Variants in CACNA2D3 observed in about 807,000 individuals in gnomAD.
CACNA2D3 encodes the protein calcium voltage-gated channel auxiliary subunit alpha2delta 3.
Under a neutral mutation model 160.6 loss-of-function variants are expected in CACNA2D3, and 60 were observed. That is an observed-to-expected ratio of 0.37 (90% CI 0.30 to 0.46). The LOEUF is 0.46. Ranked by LOEUF, CACNA2D3 falls within the 20% of genes least tolerant of loss-of-function variation. The probability of loss-of-function intolerance (pLI) is 1.00; values close to 1 mark genes in which losing one functional copy is unlikely to be tolerated. For synonymous variants in CACNA2D3, 558 were observed against 492.9 expected (o/e 1.13, Z -1.75); for missense variants, 1,205 against 1,365.0 (o/e 0.88, Z 1.85).
intron 4 of CACNA2D3, among the ~76,000 whole-genome samples, chr3:54,440,838 A>T (rs1444014816): frequency 6.6e-6 from 1 of 152,204 alleles, no homozygotes; most frequent in African/African-American, 2.4e-5. Context: ...ATGGCTGCAT[A>T]GCATTCCATG....
At chr3:54,198,654 C>T (rs1701123317) in intron 2 of CACNA2D3, among the ~76,000 whole-genome samples, 1 of 152,268 alleles carries the variant, frequency 6.6e-6, no homozygotes, top group Admixed American at 6.5e-5. Flanking sequence ...AGACACTCAG[C>T]TTGGGAGCAC....
chr3:54,743,528 A>G (rs939615230), intron 11 of CACNA2D3, among the ~76,000 whole-genome samples: 3 of 152,218 alleles, frequency 2.0e-5, no homozygotes, highest in African/African-American at 7.2e-5. Context: ...GGAGGGCTTT[A>G]AGCTAGAGAG....
intron 11 of CACNA2D3, among the ~76,000 whole-genome samples, chr3:54,672,863 T>C (rs1700184224): frequency 6.6e-6 from 1 of 152,058 alleles, no homozygotes; most frequent in South Asian, 2.1e-4. Context: ...CACGAGTAAA[T>C]CCTCAAGAGA....
intron 4 of CACNA2D3, among the ~76,000 whole-genome samples, chr3:54,404,130 A>T (rs895435840): frequency 6.6e-6 from 1 of 152,188 alleles, no homozygotes; most frequent in Non-Finnish European, 1.5e-5. Context: ...ACTTCCTAAC[A>T]TGTTTTCTGA....
At chr3:54,400,497 C>G (rs1699437135) in intron 4 of CACNA2D3, among the ~76,000 whole-genome samples, 2 of 152,126 alleles carry the variant, frequency 1.3e-5, no homozygotes, top group South Asian at 4.1e-4. Flanking sequence ...TCATCTAAGA[C>G]TCACCATTGT....
intron 11 of CACNA2D3, among the ~76,000 whole-genome samples, chr3:54,669,200 A>C (rs1035971358): frequency 6.6e-5 from 10 of 152,168 alleles, no homozygotes; most frequent in Non-Finnish European, 1.5e-4. Flanking sequence ...ATGCTCTGCT[A>C]TTTTCATCTT....
At chr3:54,931,619 C>G (rs980045587) in intron 27 of CACNA2D3, among the ~76,000 whole-genome samples, 2 of 152,144 alleles carry the variant, frequency 1.3e-5, no homozygotes, top group African/African-American at 4.8e-5. Context: ...TGCCAGGACC[C>G]CAGGTTCCCA....
At chr3:54,308,603 G>T (rs573540043) in intron 2 of CACNA2D3, among the ~76,000 whole-genome samples, 1 of 152,136 alleles carries the variant, frequency 6.6e-6, no homozygotes, top group Non-Finnish European at 1.5e-5. Flanking sequence ...GTGTGAAGCC[G>T]CTGAGATATG....
chr3:54,868,718 T>C (rs1013214946), intron 17 of CACNA2D3, among the ~76,000 whole-genome samples: 1 of 152,126 alleles, frequency 6.6e-6, no homozygotes, highest in African/African-American at 2.4e-5. Context: ...GACACCATCA[T>C]AGTCAACAAA....
At chr3:54,384,649 A>G (rs1480870742) in intron 3 of CACNA2D3, among the ~76,000 whole-genome samples, 1 of 152,022 alleles carries the variant, frequency 6.6e-6, no homozygotes, top group Non-Finnish European at 1.5e-5. Flanking sequence ...CATCCCCTCC[A>G]TCTTATGTCT....
At chr3:54,877,349 T>C (rs914258616) in intron 18 of CACNA2D3, among the ~76,000 whole-genome samples, 2 of 152,182 alleles carry the variant, frequency 1.3e-5, no homozygotes, top group African/African-American at 4.8e-5. Flanking sequence ...AGGATGACGA[T>C]GATACAGATA....
chr3:54,197,785 G>A (rs1010011019), intron 2 of CACNA2D3, among the ~76,000 whole-genome samples: 1 of 152,284 alleles, frequency 6.6e-6, no homozygotes, highest in South Asian at 2.1e-4. Context: ...TGGAACAGTC[G>A]CCTATCCTTT....
intron 9 of CACNA2D3, among the ~76,000 whole-genome samples, chr3:54,586,104 A>C (rs1157207751): frequency 4.6e-5 from 7 of 152,064 alleles, no homozygotes; most frequent in Admixed American, 3.3e-4. Context: ...CTCTACTAAA[A>C]GTACAAAAAA....
intron 24 of CACNA2D3, 99 bp downstream of exon 24, chr3:54,888,151 TGTTAAA>T: frequency 1.0e-6 from 1 of 958,694 alleles, no homozygotes. Flanking sequence ...AGGAACCTGG[TGTTAAA>T]GTTCTTTAAT....
In CACNA2D3 at chr3:54,351,388, G is replaced by A. The variant is rs142725039; in HGVS notation, c.321+30830G>A. Among the ~76,000 whole-genome samples, 6 of 152,202 alleles carry A rather than the reference G, an allele frequency of 3.9e-5. No homozygotes were observed. In the East Asian group the frequency reaches 1.2e-3, roughly 29 times the overall value. On this transcript the variant is annotated intron_variant, in intron 3 of 37. Coordinates refer to ENST00000474759, the MANE Select transcript of CACNA2D3 (RefSeq NM_018398.3). ...TTTTAATTTTACTGCATCTAAGTGT[G>A]TTGTGACTTGGGAAGTCATATAAAC...
intron 13 of CACNA2D3, among the ~76,000 whole-genome samples, chr3:54,816,349 TG>T (rs1703455031): frequency 6.6e-6 from 1 of 152,180 alleles, no homozygotes; most frequent in Non-Finnish European, 1.5e-5. Flanking sequence ...TTTGTTTTTG[TG>T]GGGGACTGTC....
chr3:55,013,105 C>T (rs997321971), intron 34 of CACNA2D3, among the ~76,000 whole-genome samples: 1 of 152,226 alleles, frequency 6.6e-6, no homozygotes, highest in Non-Finnish European at 1.5e-5. Context: ...GACCTTGTCA[C>T]ATAATTGCAT....
intron 2 of CACNA2D3, among the ~76,000 whole-genome samples, chr3:54,188,853 A>G (rs1040048822): frequency 5.9e-5 from 9 of 152,228 alleles, no homozygotes; most frequent in African/African-American, 1.7e-4. Flanking sequence ...TCTGTGGAAT[A>G]TAGAGCGTCA....
chr3:54,294,228 T>C (rs1436024467), intron 2 of CACNA2D3, among the ~76,000 whole-genome samples: 2 of 152,246 alleles, frequency 1.3e-5, no homozygotes, highest in Non-Finnish European at 2.9e-5. Flanking sequence ...GTTGTCATTT[T>C]AGATACTGTC....
Sources: gnomAD v4.1 joint callset for allele counts (sites outside exome capture counted in the v4.1 genomes callset) on GRCh38, gnomAD v4.1.1 for gene constraint, MANE v1.5 for transcripts, NCBI Gene and HGNC (gene_info 2026-07-23, HGNC 2026-07-21) for gene names.